The following SLAIN1 variants were observed in gnomAD, a reference collection of about 807,000 sequenced individuals.
SLAIN1 encodes SLAIN family member 1.
Under a neutral mutation model 55.4 loss-of-function variants are expected in SLAIN1, and 17 were observed. The ratio of observed to expected loss-of-function variants is 0.31; its 90% confidence interval spans 0.21 to 0.46. The LOEUF is 0.46. Among genes scored for constraint, SLAIN1 ranks in the 20% least tolerant of loss-of-function variants. The pLI, the probability that SLAIN1 is intolerant of heterozygous loss-of-function variation, is 1.00. For missense variants in SLAIN1, 682 were observed against 785.1 expected (o/e 0.87, Z 1.57); for synonymous variants, 348 against 337.4 (o/e 1.03, Z -0.35).
chr13:77,733,838 C>T (rs957828459), intron 2 of SLAIN1, among the ~76,000 whole-genome samples: 3 of 152,112 alleles, frequency 2.0e-5, no homozygotes, highest in African/African-American at 7.2e-5. Flanking sequence ...TAATGCTACT[C>T]AAGTTTACCC....
At chr13:77,751,827 T>A (rs768692621) in intron 4 of SLAIN1, among the ~76,000 whole-genome samples, 2 of 152,164 alleles carry the variant, frequency 1.3e-5, no homozygotes, top group Non-Finnish European at 2.9e-5. Context: ...AATCGAGTAC[T>A]TGAATTAGTT....
intron 1 of SLAIN1, chr13:77,699,071 G>T (rs1481997984): frequency 6.5e-7 from 1 of 1,529,134 alleles, no homozygotes; most frequent in East Asian, 2.5e-5. Flanking sequence ...CGTTCTTGCT[G>T]TTTGAATTTT....
chr13:77,743,915 T>C (rs1343635231), intron 2 of SLAIN1, among the ~76,000 whole-genome samples: 1 of 152,040 alleles, frequency 6.6e-6, no homozygotes, highest in Non-Finnish European at 1.5e-5. Context: ...TATACATGAA[T>C]ATATATTCTT....
intron 4 of SLAIN1, among the ~76,000 whole-genome samples, chr13:77,749,098 G>T (rs574491095): frequency 1.3e-5 from 2 of 152,076 alleles, no homozygotes; most frequent in East Asian, 1.9e-4. Flanking sequence ...AATAAGAATG[G>T]TAACTTTGAA....
At chr13:77,741,396 C>T (rs747829598) in intron 2 of SLAIN1, 3 of 987,306 alleles carry the variant, frequency 3.0e-6, no homozygotes, top group Non-Finnish European at 3.6e-6. Context: ...ACTGGAAGTG[C>T]ATGTCTGTGT....
chr13:77,739,411 G>A (rs1873298204), intron 2 of SLAIN1, among the ~76,000 whole-genome samples: 1 of 152,026 alleles, frequency 6.6e-6, no homozygotes, highest in Non-Finnish European at 1.5e-5. Context: ...TCTTATATTA[G>A]GTACTGAAAT....
intron 1 of SLAIN1, among the ~76,000 whole-genome samples, chr13:77,710,293 A>G (rs139333930): frequency 1.1e-3 from 175 of 152,310 alleles, no homozygotes; most frequent in African/African-American, 4.0e-3. Context: ...CAAATTGTAT[A>G]AAGAGTCAAG....
chr13:77,698,779 C>A lies in SLAIN1; in HGVS notation c.626+240C>A, dbSNP rs1278168740. On this transcript the variant is annotated intron_variant, in intron 1 of 6. Transcript: ENST00000418532. This position sits in a 1 kb window ranked among gnomAD's most constrained non-coding sequence, Gnocchi z 4.1. ...CCGACTGCGGATGAACCGGCCCCCC[C>A]TTCCCCCCATCTGCCATGGGTTCTG... 22 of 1,241,536 alleles carry A rather than the reference C, an allele frequency of 1.8e-5. No homozygotes were observed. The highest frequency in any genetic ancestry group is 2.2e-5 in the Non-Finnish European group (20 of 930,138). 76.9% of individuals were successfully genotyped at this position (1,241,536 alleles called of 1,614,324 possible). A position where few individuals can be genotyped will look rare whatever the true frequency, so the allele number is the denominator to read the frequency against.
chr13:77,721,216 C>G (rs534025632), intron 2 of SLAIN1, among the ~76,000 whole-genome samples: 1 of 152,232 alleles, frequency 6.6e-6, no homozygotes, highest in African/African-American at 2.4e-5. Context: ...GGCACTTCCT[C>G]GCTCTTTCAC....
chr13:77,737,724 C>A (rs1424970642), intron 2 of SLAIN1, among the ~76,000 whole-genome samples: 1 of 152,082 alleles, frequency 6.6e-6, no homozygotes, highest in Non-Finnish European at 1.5e-5. Flanking sequence ...TGTTTAGATT[C>A]CCCCAGAAAG....
chr13:77,729,851 G>C (rs145735392), intron 2 of SLAIN1, among the ~76,000 whole-genome samples: 64 of 152,248 alleles, frequency 4.2e-4, no homozygotes, highest in Non-Finnish European at 7.2e-4. Flanking sequence ...TCCCAAAGAC[G>C]TGAGGCATCA....
intron 2 of SLAIN1, among the ~76,000 whole-genome samples, chr13:77,732,846 A>G (rs893339080): frequency 3.3e-5 from 5 of 152,078 alleles, no homozygotes; most frequent in African/African-American, 1.2e-4. Context: ...TTGATAGTCA[A>G]GATAACTTCC....
chr13:77,719,712 C>T (rs201844290), intron 2 of SLAIN1, 41 bp downstream of exon 2: 9 of 1,601,266 alleles, frequency 5.6e-6, no homozygotes, highest in African/African-American at 1.3e-5. Flanking sequence ...CAACTCTTGT[C>T]ACTCTCAGTG....
At chr13:77,730,766 A>G (rs904220296) in intron 2 of SLAIN1, among the ~76,000 whole-genome samples, 3 of 152,160 alleles carry the variant, frequency 2.0e-5, no homozygotes, top group Non-Finnish European at 4.4e-5. Context: ...TGTGTCCTGT[A>G]CTTGTGTATA....
At chr13:77,721,105 G>C (rs2091257415) in intron 2 of SLAIN1, among the ~76,000 whole-genome samples, 1 of 152,120 alleles carries the variant, frequency 6.6e-6, no homozygotes, top group Non-Finnish European at 1.5e-5. Context: ...CTCACATGTA[G>C]AGGGAGGCAC....
At chr13:77,736,060 T>A (rs905330857) in intron 2 of SLAIN1, among the ~76,000 whole-genome samples, 2 of 152,128 alleles carry the variant, frequency 1.3e-5, no homozygotes, top group African/African-American at 4.8e-5. Context: ...AGGCACACGC[T>A]AACATTTTCA....
At chr13:77,718,203 G>T (rs1225651049) in intron 1 of SLAIN1, among the ~76,000 whole-genome samples, 1 of 152,068 alleles carries the variant, frequency 6.6e-6, no homozygotes, top group Non-Finnish European at 1.5e-5. Flanking sequence ...GCAAATCAGA[G>T]CCGTTGCATG....
rs1394694747 is a variant in SLAIN1 at position 77,760,832 on chromosome 13, A to G, written c.1419A>G (p.Pro473=). The G allele has an allele frequency of 1.2e-6, 2 of 1,612,754 alleles. No individual in the cohort carries two copies. The highest frequency in any genetic ancestry group is 1.3e-5 in the African/African-American group (1 of 74,884). The change falls in exon 6 of 7, where the codon CCA becomes CCG. Residue 473 remains proline (P), a synonymous_variant. Coordinates refer to ENST00000418532, the MANE Select transcript of SLAIN1 (RefSeq NM_001242868.2). The part of the protein sequence containing the change: ...NGISRIQSCI[P]SPGQLQHRVH... ...GAATATCATTTTCTCTTCTAGTTCCATCACCGGGACAGCTTCAACACAGGG... is the reference window on the plus strand; with the variant it reads ...GAATATCATTTTCTCTTCTAGTTCCGTCACCGGGACAGCTTCAACACAGGG...
At chr13:77,761,625 C>T (rs916876438) in intron 6 of SLAIN1, among the ~76,000 whole-genome samples, 1 of 152,186 alleles carries the variant, frequency 6.6e-6, no homozygotes, top group East Asian at 1.9e-4. Flanking sequence ...TATGTGCACA[C>T]GCACACCCTC....
Sources: allele counts gnomAD v4.1 joint callset (sites outside exome capture counted in the v4.1 genomes callset), GRCh38; gene constraint gnomAD v4.1.1; non-coding constraint Gnocchi (gnomAD v3.1); transcripts MANE v1.5; gene names NCBI Gene and HGNC (gene_info 2026-07-23, HGNC 2026-07-21).